The following NPFFR1 variants were observed in gnomAD, a reference collection of about 807,000 sequenced individuals.
NPFFR1 encodes the protein neuropeptide FF receptor 1, also known as G-protein coupled receptor 147.
A neutral mutation model predicts 12.7 loss-of-function variants in NPFFR1; 17 were observed. The ratio of observed to expected loss-of-function variants is 1.34; its 90% CI spans 0.92 to 2.01. The LOEUF (loss-of-function observed/expected upper bound fraction) is 2.01, where lower values mean the gene tolerates loss of function less well. Ranked by LOEUF, NPFFR1 falls within the 30% of genes most tolerant of loss-of-function variation. NPFFR1 has a pLI of 0.00. For missense variants in NPFFR1, 604 were observed against 606.5 expected (o/e 1.00, Z 0.04); for synonymous variants, 296 against 264.5 (o/e 1.12, Z -1.16).
At chr10:70,283,238 T>TCTCA (rs1840880519) in intron 1 of NPFFR1, among the ~76,000 whole-genome samples, 1 of 141,496 alleles carries the variant, frequency 7.1e-6, no homozygotes, top group African/African-American at 2.7e-5. Flanking sequence ...TCTCTCTCTC[T>TCTCA]CACACACACA....
chr10:70,255,812 C>A lies in NPFFR1; in HGVS notation c.438G>T (p.Val146=), dbSNP rs767615439. 4 of 1,608,408 alleles carry A rather than the reference C, an allele frequency of 2.5e-6. No homozygotes were observed. The highest frequency in any genetic ancestry group is 1.7e-5 in the Admixed American group (1 of 59,350). Residue 146 remains valine (V), a synonymous_variant, in exon 4 of 4, where the codon GTG becomes GTT. Coordinates refer to ENST00000277942, the MANE Select transcript of NPFFR1 (RefSeq NM_022146.5). This position sits in a 1 kb window ranked among gnomAD's most constrained non-coding sequence, Gnocchi z 4.2. ...AIAVERFRCI[V]HPFREKLTLR... ...GGGTCAGCTTCTCGCGGAAAGGGTG[C>A]ACGATGCAGCGGAACCTGCCGCGGG...
chr10:70,279,391 C>T (rs1371764299), intron 1 of NPFFR1, among the ~76,000 whole-genome samples: 1 of 152,082 alleles, frequency 6.6e-6, no homozygotes, highest in Non-Finnish European at 1.5e-5. Context: ...AGGTGATCCG[C>T]CTGCCTCAGC....
At position 70,250,645 on chromosome 10, in the gene NPFFR1, G is replaced by A. The variant is rs1289758643; in HGVS notation, c.*4312C>T. On this transcript the variant is annotated 3_prime_UTR_variant, in exon 4 of 4. Transcript: ENST00000277942. The stretch of plus-strand genomic sequence containing the variant: ...ATTTTAAGTGAAAGAAACCAGACTC[G>A]GCTGCAAACTGTCTGATTCCATCTA... The A allele has an allele frequency of 6.6e-6, 1 of 152,152 alleles. No homozygotes were observed. Among genetic ancestry groups the A allele is most frequent in the African/African-American group, 2.4e-5 (1 of 41,430 alleles). 9.4% of individuals were successfully genotyped at this position (152,152 alleles called of 1,614,324 possible).
intron 1 of NPFFR1, among the ~76,000 whole-genome samples, chr10:70,276,650 C>T (rs901843683): frequency 2.1e-5 from 3 of 143,018 alleles, no homozygotes; most frequent in East Asian, 4.1e-4. Context: ...TGCAGTGGCG[C>T]GATCTGGGTT....
chr10:70,255,972 G>T lies in NPFFR1; in HGVS notation c.423-145C>A. 1.2e-6 allele frequency: 1 copy of T among 822,370 alleles called. No individual in the cohort carries two copies. Among genetic ancestry groups the T allele is most frequent in the Non-Finnish European group, 1.9e-6 (1 of 534,784 alleles). 50.9% of individuals were successfully genotyped at this position (822,370 alleles called of 1,614,324 possible). Reference sequence around the variant, plus strand: ...AGCTCAGACCTGAATTGGCTGAGTAGTCAAAGAACAAAGGCAGCTACAGGA... The same window carrying T: ...AGCTCAGACCTGAATTGGCTGAGTATTCAAAGAACAAAGGCAGCTACAGGA... On this transcript the variant is annotated intron_variant, in intron 3 of 3. Transcript: ENST00000277942. This position sits in a 1 kb window ranked among gnomAD's most constrained non-coding sequence, Gnocchi z 4.2.
chr10:70,280,966 C>T (rs1225277990), intron 1 of NPFFR1, among the ~76,000 whole-genome samples: 1 of 152,204 alleles, frequency 6.6e-6, no homozygotes, highest in Admixed American at 6.5e-5. Flanking sequence ...CACGCCACTG[C>T]ACTCCAGCCT....
At chr10:70,272,966 GA>G (rs1229106184) in intron 1 of NPFFR1, among the ~76,000 whole-genome samples, 1 of 152,218 alleles carries the variant, frequency 6.6e-6, no homozygotes, top group Non-Finnish European at 1.5e-5. Context: ...TAGGTGAACA[GA>G]AAAAATAACA....
intron 1 of NPFFR1, among the ~76,000 whole-genome samples, chr10:70,277,354 G>A (rs1353498159): frequency 6.6e-6 from 1 of 152,238 alleles, no homozygotes; most frequent in Non-Finnish European, 1.5e-5. Context: ...CTGGGCCTCA[G>A]TTTTATCATC....
rs56036699 is a variant in NPFFR1, at chr10:70,283,132, T to TTGTGTG, written c.7+532_7+537dup. On this transcript the variant is annotated intron_variant, in intron 1 of 3. Coordinates refer to ENST00000277942, the MANE Select transcript of NPFFR1 (RefSeq NM_022146.5). The stretch of plus-strand genomic sequence containing the variant: ...CACACACAACAGGGACTCTCTCTTT[T>TTGTGTG]TGTGTGTGTGTGTGTGTGTGTCTTG... Among the ~76,000 whole-genome samples the TTGTGTG allele has an allele frequency of 3.9e-4, 58 of 149,656 alleles. 1 individual carries two copies. The highest frequency in any genetic ancestry group is 1.1e-3 in the African/African-American group (47 of 40,920).
At chr10:70,258,995 T>G (rs1276386781) in intron 3 of NPFFR1, among the ~76,000 whole-genome samples, 1 of 152,206 alleles carries the variant, frequency 6.6e-6, no homozygotes, top group East Asian at 1.9e-4. Flanking sequence ...GGCTTCATAC[T>G]TCACATACTC....
chr10:70,283,573 G>A, intron 1 of NPFFR1, 97 bp downstream of exon 1: 2 of 1,192,042 alleles, frequency 1.7e-6, no homozygotes, highest in Non-Finnish European at 1.2e-6. Context: ...GGACAGCCAT[G>A]GGTGATCAGC....
At position 70,248,489 on chromosome 10, in the gene NPFFR1, T is replaced by TTTTTTTTTTTTTTTTTTTG. The variant is rs1840477391; in HGVS notation, c.*6467_*6468insCAAAAAAAAAAAAAAAAAA. ...GGCGTTTTTTTTTTGTTTTTTGTTT[T>TTTTTTTTTTTTTTTTTTTG]TTTTTTTTTTTTTTGAGATGGAGTC... On this transcript the variant is annotated 3_prime_UTR_variant, in exon 4 of 4. Transcript: ENST00000277942. The TTTTTTTTTTTTTTTTTTTG allele has an allele frequency of 8.8e-5, 10 of 113,880 alleles. No homozygotes were observed. The highest frequency in any genetic ancestry group is 3.2e-4 in the South Asian group (1 of 3,174). 7.1% of individuals were successfully genotyped at this position (113,880 alleles called of 1,614,324 possible). A position where few individuals can be genotyped will look rare whatever the true frequency, so the allele number is the denominator to read the frequency against.
chr10:70,271,815 C>T (rs775117861), intron 1 of NPFFR1, among the ~76,000 whole-genome samples: 7 of 151,896 alleles, frequency 4.6e-5, no homozygotes, highest in Non-Finnish European at 5.9e-5. Context: ...GAAAGAAGTG[C>T]GAATGAGAAA....
rs1840563273 is a variant in NPFFR1, at chr10:70,255,736, T to G, written c.514A>C (p.Ile172Leu). Residue 172 changes from isoleucine (I) to leucine (L), a missense_variant, in exon 4 of 4, where the codon ATC (isoleucine) becomes CTC (leucine). Ile to Leu is a conservative substitution (Grantham distance 5). Coordinates refer to ENST00000277942, the MANE Select transcript of NPFFR1 (RefSeq NM_022146.5). This position sits in a 1 kb window ranked among gnomAD's most constrained non-coding sequence, Gnocchi z 4.2. ...IAVIWALALL[I>L]MCPSAVTLTV... Reference sequence around the variant, plus strand: ...AGCGTGACGGCCGAGGGACACATGATGAGCAGCGCCAGGGCCCAGATGACG... The same window carrying G: ...AGCGTGACGGCCGAGGGACACATGAGGAGCAGCGCCAGGGCCCAGATGACG... 6.2e-7 allele frequency: 1 copy of G among 1,611,198 alleles called. No homozygotes were observed. The highest frequency in any genetic ancestry group is 2.2e-5 in the East Asian group (1 of 44,776).
intron 1 of NPFFR1, among the ~76,000 whole-genome samples, chr10:70,275,637 G>T (rs757053967): frequency 6.6e-6 from 1 of 151,980 alleles, no homozygotes; most frequent in Non-Finnish European, 1.5e-5. Flanking sequence ...TAGAAAGCAT[G>T]CCTTGTTCAG....
rs1026503295 is a variant in NPFFR1 at position 70,249,082 on chromosome 10, C to T, written c.*5875G>A. On this transcript the variant is annotated 3_prime_UTR_variant, in exon 4 of 4. Coordinates refer to ENST00000277942, the MANE Select transcript of NPFFR1 (RefSeq NM_022146.5). Reference sequence around the variant, plus strand: ...TATCACACTATATCCTCTTACCTTGCTTTAGACCCATTCTTAATGGATTTA... The same window carrying T: ...TATCACACTATATCCTCTTACCTTGTTTTAGACCCATTCTTAATGGATTTA... The T allele has an allele frequency of 6.6e-6, 1 of 152,100 alleles. No individual in the cohort carries two copies. Among genetic ancestry groups the T allele is most frequent in the East Asian group, 1.9e-4 (1 of 5,174 alleles). 9.4% of individuals were successfully genotyped at this position (152,100 alleles called of 1,614,324 possible). A position where few individuals can be genotyped will look rare whatever the true frequency, so the allele number is the denominator to read the frequency against.
chr10:70,269,613 G>A (rs979991327), intron 1 of NPFFR1, among the ~76,000 whole-genome samples: 2 of 151,588 alleles, frequency 1.3e-5, no homozygotes, highest in Non-Finnish European at 1.5e-5. Flanking sequence ...CTGGGTTCAA[G>A]TGATTCTCCT....
rs779364284 is a variant in NPFFR1 at position 70,255,837 on chromosome 10, G to GGA, written c.423-12_423-11dup. The GGA allele has an allele frequency of 4.4e-5, 70 of 1,600,892 alleles. No individual in the cohort carries two copies. In the South Asian group the frequency reaches 7.3e-4, roughly 17 times the overall value. The stretch of plus-strand genomic sequence containing the variant: ...CACGATGCAGCGGAACCTGCCGCGG[G>GGA]GAGAGAGACAGGCGGGATCTGGGTG... On this transcript the variant is annotated splice_polypyrimidine_tract_variant and intron_variant, in intron 3 of 3. Transcript: ENST00000277942. This position sits in a 1 kb window ranked among gnomAD's most constrained non-coding sequence, Gnocchi z 4.2.
chr10:70,261,648 C>A (rs1242750732), intron 2 of NPFFR1, among the ~76,000 whole-genome samples: 1 of 152,180 alleles, frequency 6.6e-6, no homozygotes, highest in African/African-American at 2.4e-5. Context: ...GGTTCTAGGC[C>A]AGTGGTTCTC....
Sources: allele counts gnomAD v4.1 joint callset (sites outside exome capture counted in the v4.1 genomes callset), GRCh38; gene constraint gnomAD v4.1.1; non-coding constraint Gnocchi (gnomAD v3.1); transcripts MANE v1.5; gene names NCBI Gene and HGNC (gene_info 2026-07-23, HGNC 2026-07-21).